The following PTBP2 variants were observed in gnomAD, a reference collection of about 807,000 sequenced individuals.
PTBP2 encodes polypyrimidine tract-binding protein 2.
In PTBP2, 13 loss-of-function variants were observed where a neutral mutation model predicts 61.4. The observed-to-expected ratio is 0.21, with a 90% CI of 0.14 to 0.34. The LOEUF (loss-of-function observed/expected upper bound fraction) is 0.34. Among genes scored for constraint, PTBP2 ranks in the 10% least tolerant of loss-of-function variants. PTBP2 has a pLI of 1.00. For synonymous variants in PTBP2, 215 were observed against 218.5 expected (o/e 0.98, Z 0.14); for missense variants, 405 against 642.6 (o/e 0.63, Z 4.00).
intron 2 of PTBP2, among the ~76,000 whole-genome samples, chr1:96,740,319 GCCA>G (rs970713555): frequency 2.0e-5 from 3 of 152,142 alleles, no homozygotes; most frequent in African/African-American, 7.2e-5. Context: ...TTGAAGTGAG[GCCA>G]CCATTTTACT....
At chr1:96,809,177 T>C (rs577642350) in intron 11 of PTBP2, among the ~76,000 whole-genome samples, 3 of 152,174 alleles carry the variant, frequency 2.0e-5, no homozygotes, top group Non-Finnish European at 4.4e-5. Context: ...AAATCTATTA[T>C]AGTGGTGGAT....
At chr1:96,763,078 C>G (rs1047774000) in intron 3 of PTBP2, among the ~76,000 whole-genome samples, 1 of 151,698 alleles carries the variant, frequency 6.6e-6, no homozygotes, top group Non-Finnish European at 1.5e-5. Flanking sequence ...GGGCAGAGAC[C>G]TCCTTTCTTT....
At chr1:96,752,975 A>G (rs1436589920) in intron 3 of PTBP2, among the ~76,000 whole-genome samples, 1 of 152,164 alleles carries the variant, frequency 6.6e-6, no homozygotes, top group Non-Finnish European at 1.5e-5. Context: ...CCCAGAGTAT[A>G]CAGGTCTCAC....
chr1:96,763,226 C>T (rs1570846051), intron 3 of PTBP2, among the ~76,000 whole-genome samples: 1 of 152,064 alleles, frequency 6.6e-6, no homozygotes, highest in South Asian at 2.1e-4. Context: ...CCAAGGCAGG[C>T]GGCTGGGAGG....
intron 3 of PTBP2, among the ~76,000 whole-genome samples, chr1:96,753,042 G>C (rs1271164646): frequency 1.3e-5 from 2 of 152,144 alleles, no homozygotes; most frequent in Non-Finnish European, 2.9e-5. Flanking sequence ...GGAATTTATG[G>C]AGAAGTCCTG....
chr1:96,769,763 G>A lies in PTBP2; in HGVS notation c.176G>A (p.Arg59His), dbSNP rs1309763851. ...GEDKMDGAPSRVLHIRKLPGE... is the reference protein window; with the variant it reads ...GEDKMDGAPSHVLHIRKLPGE... ...GATAAAATGGATGGTGCTCCTTCTCGTGTACTTCATATTCGAAAATTACCT... is the reference window on the plus strand; with the variant it reads ...GATAAAATGGATGGTGCTCCTTCTCATGTACTTCATATTCGAAAATTACCT... The change falls in exon 4 of 14, where the codon CGT becomes CAT. Residue 59 changes from arginine to histidine, a missense_variant. By Grantham distance (29) the Arg-to-His change is conservative. Transcript: ENST00000674951. The A allele has an allele frequency of 3.7e-6, 6 of 1,610,340 alleles. No homozygotes were observed. The highest frequency in any genetic ancestry group is 1.1e-5 in the South Asian group (1 of 90,610).
intron 3 of PTBP2, among the ~76,000 whole-genome samples, chr1:96,759,728 G>A (rs1655579997): frequency 6.6e-6 from 1 of 152,146 alleles, no homozygotes; most frequent in Non-Finnish European, 1.5e-5. Context: ...TTAAGACATT[G>A]AAAAGACAAG....
rs773680962 is a variant in PTBP2, at chr1:96,804,921, T to G, written c.1026T>G (p.Val342=). The change falls in exon 9 of 14, where the codon GTT becomes GTG. Residue 342 remains valine, a synonymous_variant. Coordinates refer to ENST00000674951, the MANE Select transcript of PTBP2 (RefSeq NM_021190.4). Reference sequence around the variant, plus strand: ...CTGGTGGCAATACAGTCCTGTTGGTTAGCAATTTAAATGAAGAGGTTAGTA... The same window carrying G: ...CTGGTGGCAATACAGTCCTGTTGGTGAGCAATTTAAATGAAGAGGTTAGTA... ...VSAGGNTVLL[V]SNLNEEMVTP... is the part of the protein sequence containing the mutation. The G allele has an allele frequency of 6.3e-7, 1 of 1,591,580 alleles. No individual in the cohort carries two copies. The highest frequency in any genetic ancestry group is 8.6e-7 in the Non-Finnish European group (1 of 1,167,408).
intron 7 of PTBP2, among the ~76,000 whole-genome samples, chr1:96,784,357 T>G (rs747840073): frequency 6.6e-5 from 10 of 152,052 alleles, no homozygotes; most frequent in Non-Finnish European, 1.3e-4. Context: ...ATTAAGAAAT[T>G]GAGATTCAGA....
intron 2 of PTBP2, among the ~76,000 whole-genome samples, chr1:96,741,115 T>A (rs1184274951): frequency 6.6e-6 from 1 of 151,860 alleles, no homozygotes; most frequent in Admixed American, 6.6e-5. Context: ...GCTGATCAAA[T>A]GTACATGGGA....
At position 96,751,520 on chromosome 1, in the gene PTBP2, C is replaced by T. The variant is rs368875382; in HGVS notation, c.115+20C>T. The T allele has an allele frequency of 2.5e-6, 4 of 1,586,570 alleles. No homozygotes were observed. Among genetic ancestry groups the T allele is most frequent in the Admixed American group, 3.4e-5 (2 of 58,298 alleles). ...TTACAGGTAAGTGTTACTCTCTTAGCAGTCTGTCATTTGCCATTTTAGGGG... is the reference window on the plus strand; with the variant it reads ...TTACAGGTAAGTGTTACTCTCTTAGTAGTCTGTCATTTGCCATTTTAGGGG... On this transcript the variant is annotated intron_variant, in intron 3 of 13. Coordinates refer to ENST00000674951, the MANE Select transcript of PTBP2 (RefSeq NM_021190.4).
At chr1:96,725,968 G>A (rs912164736) in intron 2 of PTBP2, among the ~76,000 whole-genome samples, 10 of 149,920 alleles carry the variant, frequency 6.7e-5, no homozygotes, top group Non-Finnish European at 1.5e-4. Flanking sequence ...CCAGCTACTC[G>A]GGAGGCTGAG....
downstream of PTBP2, chr1:96,819,541 CT>C (rs910458286): frequency 3.3e-5 from 5 of 151,944 alleles, no homozygotes; most frequent in African/African-American, 1.2e-4. Flanking sequence ...ATGATTTAGA[CT>C]TTTTATAACC....
At chr1:96,736,851 G>GT (rs989419646) in intron 2 of PTBP2, among the ~76,000 whole-genome samples, 21 of 149,848 alleles carry the variant, frequency 1.4e-4, no homozygotes, top group East Asian at 4.0e-4. Flanking sequence ...TAATTTTTGA[G>GT]TTTTTTTTTG....
At chr1:96,790,340 C>G (rs995418373) in intron 8 of PTBP2, among the ~76,000 whole-genome samples, 9 of 151,794 alleles carry the variant, frequency 5.9e-5, no homozygotes, top group African/African-American at 4.8e-5. Context: ...ATCTGGTTGC[C>G]CCACTTTTAG....
intron 8 of PTBP2, among the ~76,000 whole-genome samples, chr1:96,789,609 T>C (rs1659571822): frequency 6.6e-6 from 1 of 152,130 alleles, no homozygotes; most frequent in Admixed American, 6.5e-5. Context: ...TATATGTTTG[T>C]GATACATAAA....
intron 8 of PTBP2, among the ~76,000 whole-genome samples, chr1:96,804,461 C>T (rs17115774): frequency 0.022 from 3,378 of 150,914 alleles, 128 homozygotes; most frequent in African/African-American, 0.076. Context: ...TACTGTAAAT[C>T]GTGGAAGTGA....
intron 2 of PTBP2, among the ~76,000 whole-genome samples, chr1:96,742,079 C>CTG (rs1653107759): frequency 2.0e-5 from 3 of 152,140 alleles, no homozygotes; most frequent in African/African-American, 7.2e-5. Flanking sequence ...TGGCTAAGTT[C>CTG]TGTGAAGGCT....
At position 96,769,311 on chromosome 1, in the gene PTBP2, T is replaced by C. The variant is rs566694220; in HGVS notation, c.116-392T>C. Among the ~76,000 whole-genome samples, 16 of 152,170 alleles carry C rather than the reference T, an allele frequency of 1.1e-4. No homozygotes were observed. In the South Asian group the frequency reaches 2.1e-3, roughly 20 times the overall value. ...AAGGTACAATAAAAATATGGTATTA[T>C]AATCTTATGGGACCACCATTGTATA... On this transcript the variant is annotated intron_variant, in intron 3 of 13. Coordinates refer to ENST00000674951, the MANE Select transcript of PTBP2 (RefSeq NM_021190.4).
Sources: gnomAD v4.1 joint callset for allele counts (sites outside exome capture counted in the v4.1 genomes callset) on GRCh38, gnomAD v4.1.1 for gene constraint, MANE v1.5 for transcripts, NCBI Gene and HGNC (gene_info 2026-07-23, HGNC 2026-07-21) for gene names.